The following CHRNA5 variants were observed in gnomAD, a reference collection of about 807,000 sequenced individuals.
CHRNA5 encodes cholinergic receptor nicotinic alpha 5 subunit.
A neutral mutation model predicts 41.2 loss-of-function variants in CHRNA5; 28 were observed. The observed-to-expected ratio is 0.68, with a 90% CI of 0.50 to 0.93. The LOEUF (loss-of-function observed/expected upper bound fraction) is 0.93. CHRNA5 is among the 40% of genes least tolerant of loss of function. The pLI is 0.00. For missense variants in CHRNA5, 481 were observed against 581.9 expected (o/e 0.83, Z 1.78); for synonymous variants, 188 against 205.8 (o/e 0.91, Z 0.74).
chr15:78,586,835 C>G, intron 3 of CHRNA5, 146 bp downstream of exon 3: 1 of 667,536 alleles, frequency 1.5e-6, no homozygotes. Flanking sequence ...ATTGGCAGGA[C>G]ACAGAAAGAT....
exon 6 of CHRNA5, chr15:78,593,101 G>T: frequency 2.5e-6 from 4 of 1,605,188 alleles, no homozygotes; most frequent in Non-Finnish European, 3.4e-6. Context: ...GGTTGTTGAA[G>T]ATTGGAAATT....
chr15:78,568,671 C>T (rs2052771808), intron 1 of CHRNA5, among the ~76,000 whole-genome samples: 1 of 152,048 alleles, frequency 6.6e-6, no homozygotes, highest in African/African-American at 2.4e-5. Flanking sequence ...GTGTGATGTT[C>T]CCCTCCCTGT....
rs1379804782 is a variant in CHRNA5 at position 78,588,575 on chromosome 15, T to G, written c.413+152T>G. On this transcript the variant is annotated intron_variant, in intron 4 of 5. Transcript: ENST00000299565. The surrounding 1 kb of genome is among the most constrained non-coding windows in gnomAD (Gnocchi z 4.1). Reference sequence around the variant, plus strand: ...TGCCTGGGTATGATTACATGTTTTATAGATGAGGAAACAGAGGCTTAGGGT... The same window carrying G: ...TGCCTGGGTATGATTACATGTTTTAGAGATGAGGAAACAGAGGCTTAGGGT... 2 of 462,804 alleles carry G rather than the reference T, an allele frequency of 4.3e-6. No individual in the cohort carries two copies. The highest frequency in any genetic ancestry group is 4.0e-5 in the African/African-American group (2 of 49,908). 28.7% of individuals were successfully genotyped at this position (462,804 alleles called of 1,614,324 possible). A position where few individuals can be genotyped will look rare whatever the true frequency, so the allele number is the denominator to read the frequency against.
chr15:78,574,103 G>A (rs140330585), intron 1 of CHRNA5, among the ~76,000 whole-genome samples: 38,958 of 150,028 alleles, frequency 0.26, 6,000 homozygotes, highest in Middle Eastern at 0.42. Flanking sequence ...GTGAGCCACC[G>A]TGCCCGGCCT....
chr15:78,590,246 C>T (rs1363816111), exon 5 of CHRNA5: 1 of 1,614,018 alleles, frequency 6.2e-7, no homozygotes, highest in Non-Finnish European at 8.5e-7. Context: ...TTTGTCTCTG[C>T]ACTTCAGTAC....
In CHRNA5 at chr15:78,574,474, C is replaced by G. The variant is rs571839428; in HGVS notation, c.107-6337C>G. 2.4e-4 allele frequency among the ~76,000 whole-genome samples: 36 copies of G among 151,542 alleles called. No homozygotes were observed. The East Asian group carries it at 6.4e-3, about 27-fold the overall frequency. On this transcript the variant is annotated intron_variant, in intron 1 of 5. Coordinates refer to ENST00000299565, the Ensembl canonical transcript of CHRNA5. ...TTAAAAAAATCTTAAACTACCTAGA[C>G]ACTACCTAACATAGTAAGATAATGT...
At chr15:78,567,889 T>A (rs1950697470) in intron 1 of CHRNA5, among the ~76,000 whole-genome samples, 1 of 152,206 alleles carries the variant, frequency 6.6e-6, no homozygotes, top group Non-Finnish European at 1.5e-5. Context: ...ACTGTTAATA[T>A]GCATTTGTGT....
exon 6 of CHRNA5, chr15:78,593,103 T>G (rs778479885): frequency 6.2e-7 from 1 of 1,605,790 alleles, no homozygotes. Context: ...TTGTTGAAGA[T>G]TGGAAATTCA....
intron 1 of CHRNA5, among the ~76,000 whole-genome samples, chr15:78,580,336 A>C (rs1245133647): frequency 6.6e-6 from 1 of 150,842 alleles, no homozygotes; most frequent in East Asian, 1.9e-4. Flanking sequence ...TAACATTTAT[A>C]ATTGATAAAT....
At chr15:78,569,534 C>T (rs1166245623) in intron 1 of CHRNA5, among the ~76,000 whole-genome samples, 9 of 149,792 alleles carry the variant, frequency 6.0e-5, no homozygotes, top group African/African-American at 4.9e-5. Context: ...CCCGGGTTCA[C>T]GCCGTTCTCC....
intron 1 of CHRNA5, among the ~76,000 whole-genome samples, chr15:78,576,281 G>A (rs541386874): frequency 6.6e-6 from 1 of 152,124 alleles, no homozygotes; most frequent in African/African-American, 2.4e-5. Flanking sequence ...CTAGTAGCTG[G>A]GACCACAGGC....
chr15:78,567,222 C>T (rs1028826018), intron 1 of CHRNA5, among the ~76,000 whole-genome samples: 1 of 149,152 alleles, frequency 6.7e-6, no homozygotes, highest in Non-Finnish European at 1.5e-5. Flanking sequence ...CACTGCACTC[C>T]AGCCTGGGCA....
At chr15:78,576,982 C>G (rs2052864166) in intron 1 of CHRNA5, among the ~76,000 whole-genome samples, 1 of 152,176 alleles carries the variant, frequency 6.6e-6, no homozygotes, top group Admixed American at 6.5e-5. Flanking sequence ...TAGTGTCAGT[C>G]TTTCCTACTG....
chr15:78,585,449 A>G (rs1433233946), intron 2 of CHRNA5, among the ~76,000 whole-genome samples: 1 of 152,096 alleles, frequency 6.6e-6, no homozygotes, highest in East Asian at 1.9e-4. Context: ...ATATTTATTT[A>G]CACCCCTGTC....
chr15:78,571,169 A>G (rs1725841188), intron 1 of CHRNA5, among the ~76,000 whole-genome samples: 1 of 152,238 alleles, frequency 6.6e-6, no homozygotes, highest in East Asian at 1.9e-4. Flanking sequence ...TTAAGTAGCA[A>G]GGTTGTAGAA....
rs2052984578 is a variant in CHRNA5, at chr15:78,588,826, A to G, written c.413+403A>G. Among the ~76,000 whole-genome samples the G allele has an allele frequency of 1.3e-5, 2 of 151,904 alleles. No individual in the cohort carries two copies. Among genetic ancestry groups the G allele is most frequent in the Non-Finnish European group, 2.9e-5 (2 of 68,004 alleles). Reference sequence around the variant, plus strand: ...TATCGTCATTTTCCCACAATGAGGAATGCTGGGTTAATTATCAATTCATCT... The same window carrying G: ...TATCGTCATTTTCCCACAATGAGGAGTGCTGGGTTAATTATCAATTCATCT... On this transcript the variant is annotated intron_variant, in intron 4 of 5. Coordinates refer to ENST00000299565, the Ensembl canonical transcript of CHRNA5. The surrounding 1 kb of genome is among the most constrained non-coding windows in gnomAD (Gnocchi z 4.1).
intron 1 of CHRNA5, among the ~76,000 whole-genome samples, chr15:78,572,630 T>C (rs570939450): frequency 9.9e-4 from 151 of 152,172 alleles, no homozygotes; most frequent in African/African-American, 3.4e-3. Flanking sequence ...ATTACAGGCA[T>C]GCACCACCAC....
At chr15:78,565,870 T>A in intron 1 of CHRNA5, 45 bp downstream of exon 1, 1 of 1,134,408 alleles carries the variant, frequency 8.8e-7, no homozygotes. Flanking sequence ...TGGCCCGGAC[T>A]CCACATCGCG....
intron 4 of CHRNA5, 93 bp from the exon 5 acceptor site, chr15:78,589,712 A>T (rs554842671): frequency 9.9e-7 from 1 of 1,006,392 alleles, no homozygotes; most frequent in African/African-American, 1.6e-5. Context: ...CATGCAATCA[A>T]TGATAGGCCT....
Sources: gnomAD v4.1 joint callset for allele counts (sites outside exome capture counted in the v4.1 genomes callset) on GRCh38, gnomAD v4.1.1 for gene constraint, Gnocchi (gnomAD v3.1) non-coding constraint, MANE v1.5 for transcripts, NCBI Gene and HGNC (gene_info 2026-07-23, HGNC 2026-07-21) for gene names.